Variants in COLEC11 observed in about 807,000 individuals in gnomAD.
COLEC11 encodes collectin subfamily member 11, also known as collectin-11.
In COLEC11, 20 loss-of-function variants were observed where a neutral mutation model predicts 27.3. The observed-to-expected ratio is 0.73, with a 90% CI of 0.51 to 1.06. The LOEUF (loss-of-function observed/expected upper bound fraction) is 1.06, where lower values mean the gene tolerates loss of function less well. COLEC11 is among the 50% of genes least tolerant of loss of function. The pLI, the probability that COLEC11 is intolerant of heterozygous loss-of-function variation, is 0.00. For missense variants in COLEC11, 310 were observed against 383.0 expected (o/e 0.81, Z 1.59); for synonymous variants, 163 against 154.7 (o/e 1.05, Z -0.40).
chr2:3,618,039 A>G (rs1384026191), intron 3 of COLEC11, among the ~76,000 whole-genome samples: 1 of 152,110 alleles, frequency 6.6e-6, no homozygotes, highest in South Asian at 2.1e-4. Context: ...AAATTGGGTT[A>G]TTTGTTTTTC....
chr2:3,598,731 G>C (rs1287238173), intron 1 of COLEC11, among the ~76,000 whole-genome samples: 3 of 152,108 alleles, frequency 2.0e-5, no homozygotes, highest in African/African-American at 4.8e-5. Flanking sequence ...GGGGTGTGGA[G>C]AGGAGGCTGG....
At position 3,602,562 on chromosome 2, in the gene COLEC11, G is replaced by T. The variant is rs544399093; in HGVS notation, c.-26-1753G>T. On this transcript the variant is annotated intron_variant, in intron 1 of 6. Coordinates refer to ENST00000349077, the MANE Select transcript of COLEC11 (RefSeq NM_024027.5). The surrounding 1 kb of genome is among the most constrained non-coding windows in gnomAD (Gnocchi z 6.2). Reference sequence around the variant, plus strand: ...TGGGGTCCAGCTGCCATCCTCGCCCGCTGTGCTGTTGTGGTCACCCTGGCT... The same window carrying T: ...TGGGGTCCAGCTGCCATCCTCGCCCTCTGTGCTGTTGTGGTCACCCTGGCT... Among the ~76,000 whole-genome samples the T allele has an allele frequency of 6.6e-6, 1 of 152,222 alleles. No individual in the cohort carries two copies. The highest frequency in any genetic ancestry group is 2.1e-4 in the South Asian group (1 of 4,820).
At chr2:3,615,727 G>A (rs1423269084) in intron 3 of COLEC11, among the ~76,000 whole-genome samples, 1 of 151,276 alleles carries the variant, frequency 6.6e-6, no homozygotes, top group South Asian at 2.1e-4. Flanking sequence ...GGGCAGAGGC[G>A]CCCCCCACCT....
At chr2:3,642,216 G>C (rs1665919992) in intron 5 of COLEC11, among the ~76,000 whole-genome samples, 1 of 152,206 alleles carries the variant, frequency 6.6e-6, no homozygotes, top group Admixed American at 6.5e-5. Context: ...ACTCGATTTT[G>C]GAGCCCAGAC....
intron 1 of COLEC11, among the ~76,000 whole-genome samples, chr2:3,603,234 C>G (rs904389640): frequency 1.3e-5 from 2 of 152,228 alleles, no homozygotes; most frequent in Non-Finnish European, 2.9e-5. Context: ...CCCCTCCTGT[C>G]CCTTTCCCTC....
chr2:3,641,613 T>C (rs1239993962), intron 5 of COLEC11, among the ~76,000 whole-genome samples: 1 of 152,102 alleles, frequency 6.6e-6, no homozygotes, highest in East Asian at 1.9e-4. Flanking sequence ...GAAGATAAAA[T>C]ATATTTAACA....
chr2:3,608,267 T>A (rs1028852022), intron 2 of COLEC11, among the ~76,000 whole-genome samples: 1 of 152,132 alleles, frequency 6.6e-6, no homozygotes, highest in Non-Finnish European at 1.5e-5. Context: ...AGCTGCGTTG[T>A]GGTGATGGTG....
intron 3 of COLEC11, among the ~76,000 whole-genome samples, chr2:3,614,743 C>G (rs1219543156): frequency 6.6e-6 from 1 of 152,114 alleles, no homozygotes; most frequent in Admixed American, 6.5e-5. Context: ...ACATGAGTAT[C>G]TAGATTGAAC....
intron 1 of COLEC11, among the ~76,000 whole-genome samples, chr2:3,597,932 TTTTA>T (rs1282454918): frequency 6.6e-6 from 1 of 152,130 alleles, no homozygotes; most frequent in Non-Finnish European, 1.5e-5. Context: ...TTTTATTTTA[TTTTA>T]TTTATTTCAT....
At chr2:3,606,842 G>GC (rs1410718885) in intron 2 of COLEC11, among the ~76,000 whole-genome samples, 1 of 152,224 alleles carries the variant, frequency 6.6e-6, no homozygotes, top group Admixed American at 6.5e-5. Context: ...ATGTGCCGTA[G>GC]CCCCCCAGGG....
intron 5 of COLEC11, among the ~76,000 whole-genome samples, chr2:3,640,579 A>C (rs1350855979): frequency 1.4e-4 from 5 of 36,760 alleles, no homozygotes; most frequent in Admixed American, 2.8e-4. Context: ...GTGGACACCC[A>C]CCCACCATGT....
At chr2:3,614,317 A>C (rs1663488651) in intron 3 of COLEC11, among the ~76,000 whole-genome samples, 1 of 152,092 alleles carries the variant, frequency 6.6e-6, no homozygotes, top group African/African-American at 2.4e-5. Flanking sequence ...CAACCCCCCA[A>C]CCAATCTTTT....
chr2:3,611,637 C>T (rs1475835911), intron 2 of COLEC11, among the ~76,000 whole-genome samples: 2 of 152,168 alleles, frequency 1.3e-5, no homozygotes, highest in South Asian at 2.1e-4. Flanking sequence ...GGGTGTTGAT[C>T]GTGGGTCAGC....
intron 5 of COLEC11, among the ~76,000 whole-genome samples, chr2:3,641,896 G>C (rs146743136): frequency 1.3e-5 from 2 of 152,212 alleles, no homozygotes; most frequent in African/African-American, 4.8e-5. Flanking sequence ...CGCAGCGATG[G>C]GGGTGGATGG....
intron 5 of COLEC11, among the ~76,000 whole-genome samples, chr2:3,641,767 G>T (rs1019295935): frequency 2.6e-5 from 4 of 152,202 alleles, no homozygotes; most frequent in Non-Finnish European, 4.4e-5. Flanking sequence ...TGGGCTCTAC[G>T]TGATTGCCGA....
intron 5 of COLEC11, 27 bp from the exon 6 acceptor site, chr2:3,643,417 T>C: frequency 1.3e-6 from 2 of 1,589,292 alleles, no homozygotes; most frequent in Non-Finnish European, 8.6e-7. Flanking sequence ...ATCCAGCGTT[T>C]GTAACGCGTG....
chr2:3,604,729 C>CA (rs1309668294), intron 2 of COLEC11, among the ~76,000 whole-genome samples: 2 of 152,260 alleles, frequency 1.3e-5, no homozygotes, highest in Admixed American at 1.3e-4. Context: ...TGCTGGAAGG[C>CA]ACCTGGCTTT....
intron 2 of COLEC11, among the ~76,000 whole-genome samples, chr2:3,610,134 C>G (rs1328542717): frequency 6.6e-6 from 1 of 152,206 alleles, no homozygotes; most frequent in Non-Finnish European, 1.5e-5. Flanking sequence ...GAAGCCTGAG[C>G]AAGGTGTGGT....
In COLEC11 at chr2:3,644,214, C is replaced by A; in HGVS notation, c.*96C>A. On this transcript the variant is annotated 3_prime_UTR_variant, in exon 7 of 7. Transcript: ENST00000349077. ...CATGGTGCCAGCCAGGGAGCTGTCCCTCTGTGAAGGGTGGAGGCTCACTGA... is the reference window on the plus strand; with the variant it reads ...CATGGTGCCAGCCAGGGAGCTGTCCATCTGTGAAGGGTGGAGGCTCACTGA... 1 of 1,502,474 alleles carries A rather than the reference C, an allele frequency of 6.7e-7. No homozygotes were observed. Among genetic ancestry groups the A allele is most frequent in the South Asian group, 1.1e-5 (1 of 88,166 alleles). The allele number at this position is 1,502,474 out of a possible 1,614,324, so 93.1% of individuals were successfully genotyped here. A position where few individuals can be genotyped will look rare whatever the true frequency, so the allele number is the denominator to read the frequency against.
Sources: gnomAD v4.1 joint callset for allele counts (sites outside exome capture counted in the v4.1 genomes callset) on GRCh38, gnomAD v4.1.1 for gene constraint, Gnocchi (gnomAD v3.1) non-coding constraint, MANE v1.5 for transcripts, NCBI Gene and HGNC (gene_info 2026-07-23, HGNC 2026-07-21) for gene names.